The following PRICKLE2 variants were observed in gnomAD, a reference collection of about 807,000 sequenced individuals.
The protein encoded by PRICKLE2 is prickle planar cell polarity protein 2, also known as prickle-like protein 2.
PRICKLE2 carries 21 observed loss-of-function variants against 81.4 expected under a neutral mutation model. The ratio of observed to expected loss-of-function variants is 0.26; its 90% CI spans 0.18 to 0.37. The LOEUF (loss-of-function observed/expected upper bound fraction) is 0.37. PRICKLE2 is among the 10% of genes least tolerant of loss of function. The pLI is 1.00. For missense variants in PRICKLE2, 940 were observed against 1,109.0 expected, an observed-to-expected ratio of 0.85 and a Z score of 2.16; for synonymous variants, 456 against 421.5, an observed-to-expected ratio of 1.08 and a Z score of -1.00.
chr3:64,191,060 G>A (rs2078324014), intron 2 of PRICKLE2, among the ~76,000 whole-genome samples: 1 of 152,170 alleles, frequency 6.6e-6, no homozygotes, highest in African/African-American at 2.4e-5. Flanking sequence ...ACTCCACTGG[G>A]ACGAACTTGT....
At chr3:64,130,429 A>G (rs552817818) in intron 7 of PRICKLE2, among the ~76,000 whole-genome samples, 1 of 152,192 alleles carries the variant, frequency 6.6e-6, no homozygotes, top group African/African-American at 2.4e-5. Context: ...TGGTCTATCT[A>G]ACGCTCAAGA....
intron 2 of PRICKLE2, among the ~76,000 whole-genome samples, chr3:64,239,084 AGACT>A (rs2107169049): frequency 6.6e-6 from 1 of 152,292 alleles, no homozygotes; most frequent in South Asian, 2.1e-4. Context: ...ATGTCAGAGC[AGACT>A]GCCTTGGCGA....
At chr3:64,232,679 C>A (rs2079123486) in intron 2 of PRICKLE2, among the ~76,000 whole-genome samples, 1 of 152,110 alleles carries the variant, frequency 6.6e-6, no homozygotes, top group Non-Finnish European at 1.5e-5. Context: ...TTAAACACAC[C>A]TTTAGGCTGA....
chr3:64,217,487 G>C (rs960454711), intron 1 of PRICKLE2, among the ~76,000 whole-genome samples: 1 of 152,178 alleles, frequency 6.6e-6, no homozygotes, highest in South Asian at 2.1e-4. Flanking sequence ...TAAGCCTGCA[G>C]AACATTCACA....
intron 2 of PRICKLE2, among the ~76,000 whole-genome samples, chr3:64,233,732 A>G (rs991662420): frequency 2.0e-5 from 3 of 152,184 alleles, no homozygotes; most frequent in African/African-American, 7.2e-5. Context: ...CAGCTCACCC[A>G]TTTAAGTATA....
chr3:64,099,002 CT>C lies in PRICKLE2; in HGVS notation c.*48del. ...CATTTAAAACAGTGCAAGTTTCTGA[CT>C]TTACATTCTTAGCTCCCATCTTCTC... On this transcript the variant is annotated 3_prime_UTR_variant, in exon 8 of 8. Coordinates refer to ENST00000638394, the MANE Select transcript of PRICKLE2 (RefSeq NM_198859.4). This position sits in a 1 kb window ranked among gnomAD's most constrained non-coding sequence, Gnocchi z 4.3. 1 of 1,610,422 alleles carries C rather than the reference CT, an allele frequency of 6.2e-7. No individual in the cohort carries two copies.
chr3:64,181,459 C>T (rs1295649246), intron 2 of PRICKLE2, among the ~76,000 whole-genome samples: 1 of 152,142 alleles, frequency 6.6e-6, no homozygotes, highest in East Asian at 1.9e-4. Flanking sequence ...AACAACATTG[C>T]CTTACTCTAC....
At chr3:64,123,648 A>G (rs2077063310) in intron 7 of PRICKLE2, among the ~76,000 whole-genome samples, 1 of 152,186 alleles carries the variant, frequency 6.6e-6, no homozygotes, top group Admixed American at 6.5e-5. Context: ...CAATATTTCA[A>G]ACTTTCTCAT....
At chr3:64,244,052 C>A (rs1326479466) in intron 2 of PRICKLE2, among the ~76,000 whole-genome samples, 1 of 152,154 alleles carries the variant, frequency 6.6e-6, no homozygotes, top group Non-Finnish European at 1.5e-5. Context: ...CTGTTTGATG[C>A]CATGACGAAT....
chr3:64,108,014 C>G lies in PRICKLE2; in HGVS notation c.1661-8089G>C, dbSNP rs190433788. 9.1e-4 allele frequency among the ~76,000 whole-genome samples: 139 copies of G among 152,282 alleles called. 1 individual carries two copies. The highest frequency in any genetic ancestry group is 3.2e-3 in the African/African-American group (134 of 41,560). On this transcript the variant is annotated intron_variant, in intron 7 of 7. Coordinates refer to ENST00000638394, the MANE Select transcript of PRICKLE2 (RefSeq NM_198859.4). ...TGGAATTGTTTAGAACAGCGGTTTG[C>G]AAACTACAGTGGCAATGGGCCAAAT...
intron 7 of PRICKLE2, among the ~76,000 whole-genome samples, chr3:64,132,193 G>A (rs561869848): frequency 2.6e-5 from 4 of 152,192 alleles, no homozygotes; most frequent in South Asian, 4.2e-4. Flanking sequence ...CTCAATATTC[G>A]CTCTTCTTTT....
intron 2 of PRICKLE2, among the ~76,000 whole-genome samples, chr3:64,264,300 T>C (rs2079663706): frequency 6.6e-6 from 1 of 152,090 alleles, no homozygotes; most frequent in African/African-American, 2.4e-5. Context: ...TAAGGGTTTT[T>C]CAGTAATAAA....
chr3:64,262,541 C>T (rs2079631092), intron 2 of PRICKLE2, among the ~76,000 whole-genome samples: 1 of 151,612 alleles, frequency 6.6e-6, no homozygotes, highest in African/African-American at 2.4e-5. Flanking sequence ...TAACAAGAAG[C>T]CATGGGCTGG....
At chr3:64,237,250 G>T (rs979833719) in intron 2 of PRICKLE2, among the ~76,000 whole-genome samples, 1 of 152,198 alleles carries the variant, frequency 6.6e-6, no homozygotes, top group African/African-American at 2.4e-5. Flanking sequence ...TGGAGGGTCA[G>T]TGTGACAGCC....
chr3:64,207,727 A>AT (rs1045471219), intron 1 of PRICKLE2, among the ~76,000 whole-genome samples: 9 of 152,262 alleles, frequency 5.9e-5, no homozygotes, highest in Admixed American at 1.3e-4. Flanking sequence ...GGTCCCTTCG[A>AT]TAAAAAAAAA....
chr3:64,206,189 G>A (rs1450175954), intron 1 of PRICKLE2, among the ~76,000 whole-genome samples: 3 of 151,742 alleles, frequency 2.0e-5, no homozygotes, highest in Non-Finnish European at 4.4e-5. Context: ...GACTATAATT[G>A]GATAGGTCTG....
At chr3:64,214,313 A>C (rs1361556558) in intron 1 of PRICKLE2, among the ~76,000 whole-genome samples, 1 of 152,202 alleles carries the variant, frequency 6.6e-6, no homozygotes, top group Non-Finnish European at 1.5e-5. Flanking sequence ...TGGACTTGCG[A>C]AACAAGAGAA....
chr3:64,198,711 C>G (rs2078509949), intron 2 of PRICKLE2, 73 bp downstream of exon 2: 7 of 1,477,016 alleles, frequency 4.7e-6, no homozygotes, highest in Non-Finnish European at 6.6e-6. Context: ...TCCTACAGAA[C>G]TGGAATGAGG....
chr3:64,209,145 C>G (rs910482408), intron 1 of PRICKLE2, among the ~76,000 whole-genome samples: 1 of 151,724 alleles, frequency 6.6e-6, no homozygotes, highest in African/African-American at 2.4e-5. Context: ...ACATACACAT[C>G]TATCCACCTA....
Sources: allele counts gnomAD v4.1 joint callset (sites outside exome capture counted in the v4.1 genomes callset), GRCh38; gene constraint gnomAD v4.1.1; non-coding constraint Gnocchi (gnomAD v3.1); transcripts MANE v1.5; gene names NCBI Gene and HGNC (gene_info 2026-07-23, HGNC 2026-07-21).